The following UBE4B variants were observed in gnomAD, a reference collection of about 807,000 sequenced individuals.
UBE4B encodes ubiquitination factor E4B.
In UBE4B, 27 loss-of-function variants were observed where a neutral mutation model predicts 148.1. That is an observed-to-expected ratio of 0.18 (90% confidence interval 0.13 to 0.25). UBE4B has a LOEUF of 0.25. Ranked by LOEUF, UBE4B falls within the 10% of genes least tolerant of loss-of-function variation. The pLI, the probability that UBE4B is intolerant of heterozygous loss-of-function variation, is 1.00. For synonymous variants in UBE4B, 596 were observed against 619.3 expected (o/e 0.96, Z 0.56); for missense variants, 1,170 against 1,662.4 (o/e 0.70, Z 5.15).
chr1:10,157,221 A>G (rs543474795), intron 21 of UBE4B, among the ~76,000 whole-genome samples: 45 of 152,028 alleles, frequency 3.0e-4, no homozygotes, highest in Admixed American at 1.4e-3. Context: ...GGGTTTTGCT[A>G]TGTTGGCCAG....
At chr1:10,046,058 T>C (rs1177232045) in intron 1 of UBE4B, among the ~76,000 whole-genome samples, 1 of 152,176 alleles carries the variant, frequency 6.6e-6, no homozygotes, top group African/African-American at 2.4e-5. Flanking sequence ...TCCTACCATA[T>C]GGCTTCCATC....
chr1:10,048,462 A>G (rs1484850296), intron 1 of UBE4B, among the ~76,000 whole-genome samples: 1 of 152,180 alleles, frequency 6.6e-6, no homozygotes, highest in Non-Finnish European at 1.5e-5. Context: ...GAGAGTGAGC[A>G]TAAATGCGGA....
chr1:10,071,999 T>C (rs776231321), intron 1 of UBE4B, 29 bp from the exon 2 acceptor site: 6 of 1,546,126 alleles, frequency 3.9e-6, no homozygotes, highest in Non-Finnish European at 5.2e-6. Context: ...TGATTAGTTA[T>C]AGAATGCCCT....
chr1:10,092,004 T>A (rs559228563), intron 2 of UBE4B, among the ~76,000 whole-genome samples: 1 of 152,056 alleles, frequency 6.6e-6, no homozygotes, highest in Non-Finnish European at 1.5e-5. Flanking sequence ...TCTCCTTGAC[T>A]CCCCAAAAGT....
intron 2 of UBE4B, among the ~76,000 whole-genome samples, chr1:10,091,460 G>C (rs1557544287): frequency 6.6e-6 from 1 of 151,464 alleles, no homozygotes; most frequent in African/African-American, 2.4e-5. Flanking sequence ...TTTGACACAG[G>C]GTCTTAAAAA....
At chr1:10,135,271 C>T in intron 16 of UBE4B, 85 bp downstream of exon 16, 1 of 1,325,570 alleles carries the variant, frequency 7.5e-7, no homozygotes, top group South Asian at 1.3e-5. Context: ...GTTACCACCT[C>T]ACCATAAAAT....
At position 10,102,951 on chromosome 1, in the gene UBE4B, C is replaced by T; in HGVS notation, c.439C>T (p.Pro147Ser). 6.2e-7 allele frequency: 1 copy of T among 1,603,328 alleles called. No homozygotes were observed. Among genetic ancestry groups the T allele is most frequent in the South Asian group, 1.1e-5 (1 of 90,414 alleles). Residue 147 changes from proline (P) to serine (S), a missense_variant, in exon 5 of 28, where the codon CCT (proline) becomes TCT (serine). By Grantham distance (74) the Pro-to-Ser change is moderately conservative. Coordinates refer to ENST00000343090, the MANE Select transcript of UBE4B (RefSeq NM_001105562.3). ...REKRSLSDKE[P>S]SSGPEVSEEQ... ...TGCAAATCTTCTTCTTCACCAGGAG[C>T]CTTCCTCGGGCCCTGAAGTGTCTGA...
At chr1:10,053,545 A>T (rs1363304962) in intron 1 of UBE4B, among the ~76,000 whole-genome samples, 3 of 151,832 alleles carry the variant, frequency 2.0e-5, no homozygotes, top group African/African-American at 7.3e-5. Flanking sequence ...TATGGGCTGG[A>T]TGTGTAAGTT....
At position 10,137,301 on chromosome 1, in the gene UBE4B, G is replaced by A. The variant is rs1228162928; in HGVS notation, c.2363+96G>A. The A allele has an allele frequency of 3.3e-6, 5 of 1,509,974 alleles. No individual in the cohort carries two copies. The African/African-American group carries it at 6.9e-5, about 21-fold the overall frequency. The allele number at this position is 1,509,974 out of a possible 1,614,324, so 93.5% of individuals were successfully genotyped here. A position where few individuals can be genotyped will look rare whatever the true frequency, so the allele number is the denominator to read the frequency against. On this transcript the variant is annotated intron_variant, in intron 17 of 27. Coordinates refer to ENST00000343090, the MANE Select transcript of UBE4B (RefSeq NM_001105562.3). ...TGTGAACAGTAGTTTTGAATGTTGG[G>A]GGAGGTATGTACGTTATATAGTGTT...
chr1:10,118,802 C>A (rs997340136), intron 8 of UBE4B, among the ~76,000 whole-genome samples: 1 of 150,818 alleles, frequency 6.6e-6, no homozygotes, highest in South Asian at 2.1e-4. Flanking sequence ...CTGCACCCGG[C>A]ACACCCAGCT....
At chr1:10,149,675 A>C (rs1334270146) in intron 20 of UBE4B, among the ~76,000 whole-genome samples, 1 of 152,222 alleles carries the variant, frequency 6.6e-6, no homozygotes, top group Non-Finnish European at 1.5e-5. Context: ...GCTTACCAAG[A>C]AATGGTTTGA....
At chr1:10,108,873 C>T (rs1645166566) in intron 7 of UBE4B, among the ~76,000 whole-genome samples, 1 of 152,076 alleles carries the variant, frequency 6.6e-6, no homozygotes, top group Admixed American at 6.6e-5. Context: ...AACCAGTTTC[C>T]ACATGGTAAA....
chr1:10,148,405 G>A (rs1645913232), intron 19 of UBE4B, among the ~76,000 whole-genome samples: 1 of 152,030 alleles, frequency 6.6e-6, no homozygotes, highest in South Asian at 2.1e-4. Flanking sequence ...GCTGAGGCAG[G>A]CGGATCACTT....
chr1:10,103,426 T>C (rs943930874), intron 5 of UBE4B, among the ~76,000 whole-genome samples: 1 of 148,146 alleles, frequency 6.8e-6, no homozygotes, highest in Non-Finnish European at 1.5e-5. Context: ...TTTATTTATT[T>C]ATTTATTTAT....
chr1:10,108,606 T>C (rs1404591345), intron 7 of UBE4B, among the ~76,000 whole-genome samples: 1 of 152,202 alleles, frequency 6.6e-6, no homozygotes, highest in African/African-American at 2.4e-5. Context: ...CTCCAGGCTA[T>C]AAATAGAGAC....
intron 21 of UBE4B, among the ~76,000 whole-genome samples, chr1:10,157,950 G>A (rs1432890702): frequency 6.6e-6 from 1 of 152,136 alleles, no homozygotes; most frequent in Non-Finnish European, 1.5e-5. Flanking sequence ...GACACATTTA[G>A]TAAATACATG....
intron 25 of UBE4B, 77 bp downstream of exon 25, chr1:10,171,406 G>C (rs192904996): frequency 6.6e-7 from 1 of 1,518,174 alleles, no homozygotes; most frequent in African/African-American, 1.4e-5. Context: ...CAGGGAACTC[G>C]TCTGGTGTAA....
At chr1:10,083,061 G>A (rs956737359) in intron 2 of UBE4B, among the ~76,000 whole-genome samples, 3 of 151,984 alleles carry the variant, frequency 2.0e-5, no homozygotes, top group African/African-American at 4.8e-5. Flanking sequence ...TCATCGATGG[G>A]CATTTGGGTT....
intron 2 of UBE4B, among the ~76,000 whole-genome samples, chr1:10,078,782 G>C (rs1278612594): frequency 2.6e-5 from 4 of 152,016 alleles, no homozygotes; most frequent in Non-Finnish European, 5.9e-5. Context: ...TAGTGGAATA[G>C]GTCTTCCAGT....
Sources: allele counts gnomAD v4.1 joint callset (sites outside exome capture counted in the v4.1 genomes callset), GRCh38; gene constraint gnomAD v4.1.1; transcripts MANE v1.5; gene names NCBI Gene and HGNC (gene_info 2026-07-23, HGNC 2026-07-21).